GLT8D2: variants seen among roughly 807,000 people sequenced by gnomAD.
The protein encoded by GLT8D2 is glycosyltransferase 8 domain containing 2.
Under a neutral mutation model 44.5 loss-of-function variants are expected in GLT8D2, and 45 were observed. The observed-to-expected ratio is 1.01, with a 90% CI of 0.80 to 1.30. The LOEUF (loss-of-function observed/expected upper bound fraction) is 1.30, where lower values mean the gene tolerates loss of function less well. Among genes scored for constraint, GLT8D2 ranks in the 50% most tolerant of loss-of-function variants. The pLI, the probability that GLT8D2 is intolerant of heterozygous loss-of-function variation, is 0.00. For missense variants in GLT8D2, 400 were observed against 430.4 expected (o/e 0.93, Z 0.62); for synonymous variants, 156 against 157.2 (o/e 0.99, Z 0.06).
intron 8 of GLT8D2, among the ~76,000 whole-genome samples, chr12:103,995,459 C>T (rs1305840214): frequency 6.6e-6 from 1 of 152,188 alleles, no homozygotes; most frequent in African/African-American, 2.4e-5. Flanking sequence ...ACCATCTGCA[C>T]AGGTGGTTCC....
intron 1 of GLT8D2, among the ~76,000 whole-genome samples, chr12:104,042,542 G>A (rs1446569090): frequency 6.6e-6 from 1 of 152,228 alleles, no homozygotes; most frequent in Non-Finnish European, 1.5e-5. Flanking sequence ...AAGTCCTGGG[G>A]ATAAGCTGAT....
At chr12:104,013,231 A>G (rs1309400152) in intron 4 of GLT8D2, among the ~76,000 whole-genome samples, 1 of 152,220 alleles carries the variant, frequency 6.6e-6, no homozygotes, top group African/African-American at 2.4e-5. Flanking sequence ...GCTCTAGGCA[A>G]CCACTGATCT....
At position 103,993,441 on chromosome 12, in the gene GLT8D2, A is replaced by G; in HGVS notation, c.831T>C (p.Phe277=). The G allele has an allele frequency of 6.2e-7, 1 of 1,614,082 alleles. No individual in the cohort carries two copies. The highest frequency in any genetic ancestry group is 8.5e-7 in the Non-Finnish European group (1 of 1,179,958). The part of the protein sequence containing the change: ...GVATSPMLIV[F]HGKYSTINPL... ...GGTTAATTGTGGAATATTTCCCATG[A>G]AACACAATCAGCATTGGGGAGGTGG... The change falls in exon 10 of 11, where the codon TTT becomes TTC. Residue 277 remains phenylalanine (F), a synonymous_variant. Coordinates refer to ENST00000360814, the MANE Select transcript of GLT8D2 (RefSeq NM_001384711.1).
intron 1 of GLT8D2, among the ~76,000 whole-genome samples, chr12:104,045,888 A>C (rs1419801497): frequency 7.5e-6 from 1 of 133,620 alleles, no homozygotes; most frequent in Non-Finnish European, 1.6e-5. Flanking sequence ...AAAGAAAAGA[A>C]AGATAAGAAA....
At chr12:104,027,563 T>G (rs1242037551) in intron 1 of GLT8D2, among the ~76,000 whole-genome samples, 1 of 152,252 alleles carries the variant, frequency 6.6e-6, no homozygotes, top group African/African-American at 2.4e-5. Flanking sequence ...AAATTTGCTG[T>G]GGCCAGAATG....
intron 1 of GLT8D2, among the ~76,000 whole-genome samples, chr12:104,047,350 G>A (rs189593527): frequency 6.8e-6 from 1 of 147,380 alleles, no homozygotes; most frequent in East Asian, 2.0e-4. Flanking sequence ...CGTTGCCCAG[G>A]CTGGAGTGCA....
intron 1 of GLT8D2, among the ~76,000 whole-genome samples, chr12:104,059,029 G>T (rs1365325999): frequency 6.6e-6 from 1 of 152,184 alleles, no homozygotes; most frequent in Non-Finnish European, 1.5e-5. Context: ...GCGGGACAGC[G>T]CAAGACTTCA....
chr12:103,993,872 T>C (rs1654530473), intron 9 of GLT8D2: 1 of 182,902 alleles, frequency 5.5e-6, no homozygotes, highest in Admixed American at 5.6e-5. Flanking sequence ...TGCTAGGCAA[T>C]ACAATGATGG....
At chr12:104,014,062 G>C (rs879798015) in intron 4 of GLT8D2, among the ~76,000 whole-genome samples, 1 of 152,022 alleles carries the variant, frequency 6.6e-6, no homozygotes, top group Non-Finnish European at 1.5e-5. Context: ...GTATTTGCTT[G>C]ATTTATATAA....
chr12:104,022,716 C>T, intron 1 of GLT8D2, among the ~76,000 whole-genome samples: 1 of 151,528 alleles, frequency 6.6e-6, no homozygotes, highest in East Asian at 1.9e-4. Flanking sequence ...AATGTATTAT[C>T]TATTCATATA....
chr12:104,061,305 T>C (rs1285625944), intron 1 of GLT8D2, among the ~76,000 whole-genome samples: 1 of 152,184 alleles, frequency 6.6e-6, no homozygotes, highest in African/African-American at 2.4e-5. Flanking sequence ...AGTTCAAGGG[T>C]ACTTGGGCTT....
chr12:103,991,191 CT>C (rs1390666646), intron 10 of GLT8D2, among the ~76,000 whole-genome samples: 1 of 151,888 alleles, frequency 6.6e-6, no homozygotes, highest in Non-Finnish European at 1.5e-5. Context: ...GGATATTTCT[CT>C]TTTTTTTCTT....
chr12:104,041,152 C>G (rs1198502851), intron 1 of GLT8D2, among the ~76,000 whole-genome samples: 3 of 145,504 alleles, frequency 2.1e-5, no homozygotes, highest in South Asian at 2.3e-4. Flanking sequence ...GGTGGCTCAC[C>G]CCTGTAATCC....
Position 103,994,438 on chromosome 12 carries a change from T to C in GLT8D2, c.664A>G (p.Ser222Gly). 1 of 1,614,190 alleles carries C rather than the reference T, an allele frequency of 6.2e-7. No homozygotes were observed. Among genetic ancestry groups the C allele is most frequent in the Non-Finnish European group, 8.5e-7 (1 of 1,180,002 alleles). ...KAIKDLGISP[S>G]TCSFNPGVIV... Reference sequence around the variant, plus strand: ...ACACCAGGATTGAAAGAGCAGGTGCTGGGGCTGATGCCAAGGTCCTTGATG... The same window carrying C: ...ACACCAGGATTGAAAGAGCAGGTGCCGGGGCTGATGCCAAGGTCCTTGATG... Residue 222 changes from serine to glycine, a missense_variant, in exon 9 of 11, where the codon AGC becomes GGC. Ser to Gly is a moderately conservative substitution (Grantham distance 56). Transcript: ENST00000360814.
intron 1 of GLT8D2, among the ~76,000 whole-genome samples, chr12:104,033,029 A>T (rs995172607): frequency 4.6e-5 from 7 of 152,014 alleles, no homozygotes; most frequent in Non-Finnish European, 8.8e-5. Flanking sequence ...ACAGGTGCAC[A>T]TCACCATGCC....
At position 104,015,031 on chromosome 12, in the gene GLT8D2, C is replaced by G. The variant is rs200791168; in HGVS notation, c.94G>C (p.Val32Leu). The G allele has an allele frequency of 6.2e-7, 1 of 1,613,022 alleles. No individual in the cohort carries two copies. Among genetic ancestry groups the G allele is most frequent in the East Asian group, 2.2e-5 (1 of 44,862 alleles). The change falls in exon 4 of 11, where the codon GTG becomes CTG. Residue 32 changes from valine to leucine, a missense_variant. Transcript: ENST00000360814. Reference sequence around the variant, plus strand: ...TGCTCACCTGCGTCATTCTTGGGCACAGTCCCCTTATGAACTTTCTTATAC... The same window carrying G: ...TGCTCACCTGCGTCATTCTTGGGCAGAGTCCCCTTATGAACTTTCTTATAC... ...ILYKKVHKGT[V>L]PKNDADDESE... is the part of the protein sequence containing the mutation.
Position 104,019,635 on chromosome 12 carries a change from C to T in GLT8D2, c.14G>A (p.Arg5Gln), listed in dbSNP as rs967761878. The T allele has an allele frequency of 1.2e-5, 20 of 1,609,096 alleles. No individual in the cohort carries two copies. Among genetic ancestry groups the T allele is most frequent in the African/African-American group, 2.7e-5 (2 of 74,778 alleles). Residue 5 changes from arginine (R) to glutamine (Q), a missense_variant, in exon 3 of 11, where the codon CGA (arginine) becomes CAA (glutamine). Arg to Gln is a conservative substitution (Grantham distance 43). Coordinates refer to ENST00000360814, the MANE Select transcript of GLT8D2 (RefSeq NM_001384711.1). The stretch of plus-strand genomic sequence containing the variant: ...TTCAAAAGTTGAAATCTTACTTTTT[C>T]GTAACAGAGCCATGTGTATTCACGC... MALL[R>Q]KINQVLLFLL...
intron 1 of GLT8D2, among the ~76,000 whole-genome samples, chr12:104,032,675 T>A (rs935609041): frequency 8.5e-5 from 13 of 152,192 alleles, no homozygotes; most frequent in African/African-American, 3.1e-4. Flanking sequence ...GTGTTGGTGA[T>A]GATGCAGAGA....
chr12:104,033,790 A>C (rs1879615301), intron 1 of GLT8D2, among the ~76,000 whole-genome samples: 1 of 105,812 alleles, frequency 9.5e-6, no homozygotes, highest in Admixed American at 1.2e-4. Context: ...GTGTGTGTAT[A>C]TATGTGTGTG....
Sources: gnomAD v4.1 joint callset for allele counts (sites outside exome capture counted in the v4.1 genomes callset) on GRCh38, gnomAD v4.1.1 for gene constraint, MANE v1.5 for transcripts, NCBI Gene and HGNC (gene_info 2026-07-23, HGNC 2026-07-21) for gene names.